The following NFASC variants were observed in gnomAD, a reference collection of about 807,000 sequenced individuals.
NFASC encodes the protein neurofascin.
A neutral mutation model predicts 147.5 loss-of-function variants in NFASC; 43 were observed. The ratio of observed to expected loss-of-function variants is 0.29; its 90% CI spans 0.23 to 0.38. The LOEUF is 0.38. NFASC is among the 10% of genes least tolerant of loss of function. NFASC has a pLI of 1.00. For synonymous variants in NFASC, 622 were observed against 665.5 expected, an observed-to-expected ratio of 0.93 and a Z score of 1.01; for missense variants, 1,320 against 1,689.0, an observed-to-expected ratio of 0.78 and a Z score of 3.83.
intron 8 of NFASC, among the ~76,000 whole-genome samples, chr1:204,967,273 G>C (rs1221869048): frequency 6.6e-6 from 1 of 152,146 alleles, no homozygotes; most frequent in African/African-American, 2.4e-5. Context: ...GGGGTTTCTG[G>C]ATGGAAAATT....
intron 1 of NFASC, among the ~76,000 whole-genome samples, chr1:204,845,403 A>G (rs1015817325): frequency 6.6e-6 from 1 of 151,894 alleles, no homozygotes; most frequent in African/African-American, 2.4e-5. Flanking sequence ...GGTTGCAGTG[A>G]GCTGAAATTG....
Position 205,017,078 on chromosome 1 carries a change from CA to C in NFASC, c.*542del. ...GAACACGTAGACAGGCTGTAATATTCAAACCACCTCTGGGCCAATGCATTTC... is the reference window on the plus strand; with the variant it reads ...GAACACGTAGACAGGCTGTAATATTCAACCACCTCTGGGCCAATGCATTTC... On this transcript the variant is annotated 3_prime_UTR_variant, in exon 30 of 30. Coordinates refer to ENST00000339876, the MANE Select transcript of NFASC (RefSeq NM_001005388.3). 1 of 205,700 alleles carries C rather than the reference CA, an allele frequency of 4.9e-6. No homozygotes were observed. Among genetic ancestry groups the C allele is most frequent in the Non-Finnish European group, 1.0e-5 (1 of 99,220 alleles). 12.7% of individuals were successfully genotyped at this position (205,700 alleles called of 1,614,324 possible).
chr1:204,971,398 C>G (rs1049769693), intron 11 of NFASC, among the ~76,000 whole-genome samples: 5 of 152,126 alleles, frequency 3.3e-5, no homozygotes, highest in African/African-American at 1.2e-4. Context: ...GGTTGCATTA[C>G]TTTTCAAAAT....
intron 2 of NFASC, among the ~76,000 whole-genome samples, chr1:204,929,002 A>G (rs17649110): frequency 0.022 from 3,414 of 152,252 alleles, 47 homozygotes; most frequent in Middle Eastern, 0.044. Context: ...CCCCAGCTTA[A>G]TAATAGCCAA....
chr1:204,861,263 A>ATTTTTTGTAGAGATGAGG (rs2076648688), intron 1 of NFASC, among the ~76,000 whole-genome samples: 1 of 150,616 alleles, frequency 6.6e-6, no homozygotes, highest in Non-Finnish European at 1.5e-5. Context: ...TAATTTTTGT[A>ATTTTTTGTAGAGATGAGG]TTTTTTGTAG....
rs184511920 is a variant in NFASC at position 204,955,379 on chromosome 1, A to G, written c.535+428A>G. ...GAAGGGATTAGGGGAGAAGAGGAGA[A>G]ATGGTTTTTCCAATTGGCCAATTGA... On this transcript the variant is annotated intron_variant, in intron 7 of 29. Transcript: ENST00000339876. Among the ~76,000 whole-genome samples the G allele has an allele frequency of 1.3e-5, 2 of 152,282 alleles. 1 individual carries two copies. Among genetic ancestry groups the G allele is most frequent in the Non-Finnish European group, 2.9e-5 (2 of 68,022 alleles).
chr1:204,919,616 AC>A (rs2149424798), intron 1 of NFASC, among the ~76,000 whole-genome samples: 1 of 152,178 alleles, frequency 6.6e-6, no homozygotes, highest in Non-Finnish European at 1.5e-5. Context: ...AGTGGATTAT[AC>A]CATTTCCTGC....
intron 1 of NFASC, among the ~76,000 whole-genome samples, chr1:204,905,704 G>C (rs2085697675): frequency 6.6e-6 from 1 of 151,908 alleles, no homozygotes; most frequent in Non-Finnish European, 1.5e-5. Context: ...TGAACTTTTA[G>C]GTTTTTCCTA....
chr1:204,938,726 T>G (rs2149707474), intron 2 of NFASC, among the ~76,000 whole-genome samples: 1 of 152,350 alleles, frequency 6.6e-6, no homozygotes, highest in East Asian at 1.9e-4. Context: ...CCTTGCAGAT[T>G]TAAAGGCCTT....
intron 2 of NFASC, among the ~76,000 whole-genome samples, chr1:204,927,579 T>G (rs2091847157): frequency 6.6e-6 from 1 of 152,184 alleles, no homozygotes; most frequent in Non-Finnish European, 1.5e-5. Context: ...GAAGTATTTT[T>G]ATACTCTACA....
At chr1:204,833,153 C>A (rs1571823385) in intron 1 of NFASC, among the ~76,000 whole-genome samples, 1 of 152,162 alleles carries the variant, frequency 6.6e-6, no homozygotes, top group East Asian at 1.9e-4. Flanking sequence ...GGTCTTGAGG[C>A]AAGCCAGAAA....
intron 1 of NFASC, among the ~76,000 whole-genome samples, chr1:204,887,232 A>G (rs1043398878): frequency 1.3e-5 from 2 of 152,184 alleles, no homozygotes; most frequent in African/African-American, 4.8e-5. Flanking sequence ...GGTAGGTCAT[A>G]TGAGTAAAAT....
At chr1:204,949,132 G>A (rs746831031) in intron 3 of NFASC, among the ~76,000 whole-genome samples, 3 of 152,178 alleles carry the variant, frequency 2.0e-5, no homozygotes, top group Non-Finnish European at 4.4e-5. Context: ...GTCTTCTAGG[G>A]GCCACACGAA....
chr1:204,875,244 T>C (rs1484037867), intron 1 of NFASC, among the ~76,000 whole-genome samples: 3 of 152,188 alleles, frequency 2.0e-5, no homozygotes, highest in African/African-American at 7.2e-5. Context: ...TCACATTGCA[T>C]CTTCCTCACT....
chr1:204,880,891 G>A (rs546374616), intron 1 of NFASC, among the ~76,000 whole-genome samples: 1 of 152,338 alleles, frequency 6.6e-6, no homozygotes, highest in African/African-American at 2.4e-5. Flanking sequence ...TGCTGACTGA[G>A]ACAGGAGACA....
chr1:204,974,368 G>A lies in NFASC; in HGVS notation c.1391+78G>A. The A allele has an allele frequency of 3.5e-6, 4 of 1,148,362 alleles. No homozygotes were observed. The South Asian group carries it at 3.9e-5, about 11-fold the overall frequency. 71.1% of individuals were successfully genotyped at this position (1,148,362 alleles called of 1,614,324 possible). A position where few individuals can be genotyped will look rare whatever the true frequency, so the allele number is the denominator to read the frequency against. ...CTCCTTCCCATCTGGCCCATAGTAG[G>A]TGTTCAGCAAGACCTGGGAATCTTA... On this transcript the variant is annotated intron_variant, in intron 13 of 29. Coordinates refer to ENST00000339876, the MANE Select transcript of NFASC (RefSeq NM_001005388.3).
intron 3 of NFASC, among the ~76,000 whole-genome samples, chr1:204,949,047 T>C (rs562187772): frequency 2.6e-5 from 4 of 152,344 alleles, no homozygotes; most frequent in African/African-American, 9.6e-5. Context: ...GATTTTTGCT[T>C]TCCCCCTGGA....
intron 1 of NFASC, among the ~76,000 whole-genome samples, chr1:204,919,022 G>A (rs2089913584): frequency 6.6e-6 from 1 of 151,350 alleles, no homozygotes; most frequent in South Asian, 2.1e-4. Flanking sequence ...TCCTTGTAGG[G>A]TTTTTTGTTT....
At chr1:204,870,919 A>G in intron 1 of NFASC, 1 of 1,218,100 alleles carries the variant, frequency 8.2e-7, no homozygotes, top group Non-Finnish European at 1.0e-6. Context: ...CAGGGAAAAG[A>G]AGGATCTTGC....
Sources: allele counts gnomAD v4.1 joint callset (sites outside exome capture counted in the v4.1 genomes callset), GRCh38; gene constraint gnomAD v4.1.1; transcripts MANE v1.5; gene names NCBI Gene and HGNC (gene_info 2026-07-23, HGNC 2026-07-21).